Variants in SCN3A observed in about 807,000 individuals in gnomAD.
SCN3A encodes the protein sodium voltage-gated channel alpha subunit 3.
SCN3A carries 60 observed loss-of-function variants against 187.6 expected under a neutral mutation model. That is an observed-to-expected ratio of 0.32 (90% CI 0.26 to 0.40). The LOEUF (loss-of-function observed/expected upper bound fraction) is 0.40, where lower values mean the gene tolerates loss of function less well. SCN3A is among the 10% of genes least tolerant of loss of function. SCN3A has a pLI of 1.00. For synonymous variants in SCN3A, 788 were observed against 829.2 expected (o/e 0.95, Z 0.85); for missense variants, 1,601 against 2,428.2 (o/e 0.66, Z 7.16).
intron 26 of SCN3A, 162 bp downstream of exon 26, chr2:165,094,212 C>T (rs899944687): frequency 1.4e-6 from 1 of 718,570 alleles, no homozygotes; most frequent in Non-Finnish European, 2.5e-6. Context: ...GTGGTAACTC[C>T]TAATGAGTGC....
Position 165,131,238 on chromosome 2 carries a change from AG to A in SCN3A, c.2565+5del. On this transcript the variant is annotated splice_donor_5th_base_variant and intron_variant, in intron 16 of 27. Transcript: ENST00000283254. Reference sequence around the variant, plus strand: ...ATGAGCGACAGGGATATATATAAATAGATACCAGTCTGAATGATCGCAGTAC... The same window carrying A: ...ATGAGCGACAGGGATATATATAAATAATACCAGTCTGAATGATCGCAGTAC... 2 of 1,571,080 alleles carry A rather than the reference AG, an allele frequency of 1.3e-6. No individual in the cohort carries two copies. The highest frequency in any genetic ancestry group is 1.7e-6 in the Non-Finnish European group (2 of 1,154,348).
At chr2:165,098,707 C>T (rs1023080429) in intron 22 of SCN3A, among the ~76,000 whole-genome samples, 2 of 152,204 alleles carry the variant, frequency 1.3e-5, no homozygotes, top group African/African-American at 2.4e-5. Flanking sequence ...TTGGTACACA[C>T]CACCACAGGT....
intron 21 of SCN3A, among the ~76,000 whole-genome samples, chr2:165,110,907 A>G (rs1686080847): frequency 6.6e-6 from 1 of 152,248 alleles, no homozygotes; most frequent in African/African-American, 2.4e-5. Flanking sequence ...CATGATGGAA[A>G]ACCTCCAACC....
intron 18 of SCN3A, among the ~76,000 whole-genome samples, chr2:165,120,010 G>A (rs1208105145): frequency 6.6e-6 from 1 of 152,126 alleles, no homozygotes; most frequent in Non-Finnish European, 1.5e-5. Context: ...GGCACTTAAA[G>A]GTTAAATTTT....
chr2:165,176,069 A>T, intron 3 of SCN3A, 62 bp downstream of exon 3: 1 of 1,538,532 alleles, frequency 6.5e-7, no homozygotes, highest in Non-Finnish European at 8.9e-7. Context: ...AAGGCCCAGA[A>T]AAGTATATTA....
chr2:165,187,821 T>C (rs993850762), intron 1 of SCN3A, among the ~76,000 whole-genome samples: 1 of 152,190 alleles, frequency 6.6e-6, no homozygotes, highest in East Asian at 1.9e-4. Flanking sequence ...CTAATAATAA[T>C]ACCCATAAGA....
intron 9 of SCN3A, among the ~76,000 whole-genome samples, chr2:165,160,848 C>A (rs1689320507): frequency 6.6e-6 from 1 of 152,102 alleles, no homozygotes; most frequent in Admixed American, 6.5e-5. Context: ...GCCATGTTGG[C>A]CAGGCTGGTC....
At chr2:165,142,966 G>A (rs1342625211) in intron 12 of SCN3A, among the ~76,000 whole-genome samples, 1 of 152,034 alleles carries the variant, frequency 6.6e-6, no homozygotes, top group East Asian at 1.9e-4. Context: ...TGGTCAAGCT[G>A]GCCTCGAACT....
intron 2 of SCN3A, among the ~76,000 whole-genome samples, chr2:165,185,946 G>A (rs1028888392): frequency 1.3e-5 from 2 of 151,982 alleles, no homozygotes; most frequent in Non-Finnish European, 2.9e-5. Context: ...TAAATAGACA[G>A]GATGAATGTC....
intron 27 of SCN3A, chr2:165,091,942 A>G: frequency 2.4e-6 from 1 of 417,398 alleles, no homozygotes; most frequent in South Asian, 2.3e-5. Context: ...TTGCATTACA[A>G]TGATTTGTTT....
chr2:165,150,324 T>TCGTA (rs1464620649), intron 11 of SCN3A, among the ~76,000 whole-genome samples: 1 of 151,928 alleles, frequency 6.6e-6, no homozygotes, highest in African/African-American at 2.4e-5. Flanking sequence ...TTTTGAAGAG[T>TCGTA]CGTAGGTGGT....
chr2:165,149,847 G>A (rs1688591717), intron 11 of SCN3A, among the ~76,000 whole-genome samples: 1 of 152,146 alleles, frequency 6.6e-6, no homozygotes. Context: ...ATTTTTGTGT[G>A]ATTCAAAGTA....
intron 14 of SCN3A, among the ~76,000 whole-genome samples, chr2:165,138,561 T>A (rs1461739963): frequency 1.3e-5 from 2 of 152,174 alleles, no homozygotes; most frequent in African/African-American, 4.8e-5. Context: ...CTCTCATAGT[T>A]TCCATATCAA....
Position 165,140,819 on chromosome 2 carries a change from A to G in SCN3A, c.1851T>C (p.His617=), listed in dbSNP as rs142624915. Reference sequence around the variant, plus strand: ...TAACGTTACTGTTGCGTCGCTCTCCATGTCTGTGCGGCACAAACAGTGAGT... The same window carrying G: ...TAACGTTACTGTTGCGTCGCTCTCCGTGTCTGTGCGGCACAAACAGTGAGT... ...RRDSLFVPHR[H]GERRNSNVSQ... is the part of the protein sequence containing the mutation. Residue 617 remains histidine, a synonymous_variant, in exon 13 of 28, where the codon CAT becomes CAC. Coordinates refer to ENST00000283254, the MANE Select transcript of SCN3A (RefSeq NM_006922.4). This position sits in a 1 kb window ranked among gnomAD's most constrained non-coding sequence, Gnocchi z 4.2. 5.0e-6 allele frequency: 8 copies of G among 1,613,972 alleles called. No homozygotes were observed. The Admixed American group carries it at 5.0e-5, about 10-fold the overall frequency.
rs1685141814 is a variant in SCN3A at position 165,092,249 on chromosome 2, C to G, written c.4807+5G>C. On this transcript the variant is annotated splice_donor_5th_base_variant and intron_variant, in intron 27 of 27. Coordinates refer to ENST00000283254, the MANE Select transcript of SCN3A (RefSeq NM_006922.4). The surrounding 1 kb of genome is among the most constrained non-coding windows in gnomAD (Gnocchi z 4.2). ...TATACCTCTTGGTAATTAAGCTGTTCTTACCTACAATGGAGAGAATCACCA... is the reference window on the plus strand; with the variant it reads ...TATACCTCTTGGTAATTAAGCTGTTGTTACCTACAATGGAGAGAATCACCA... 1.9e-6 allele frequency: 3 copies of G among 1,613,774 alleles called. No homozygotes were observed. Among genetic ancestry groups the G allele is most frequent in the Non-Finnish European group, 2.5e-6 (3 of 1,179,754 alleles).
intron 1 of SCN3A, among the ~76,000 whole-genome samples, chr2:165,195,895 C>A (rs1479460372): frequency 6.6e-6 from 1 of 152,038 alleles, no homozygotes; most frequent in Non-Finnish European, 1.5e-5. Context: ...TTTCATTTAC[C>A]TTCATGCTTT....
intron 21 of SCN3A, among the ~76,000 whole-genome samples, chr2:165,106,109 G>A (rs1685844558): frequency 6.6e-6 from 1 of 152,138 alleles, no homozygotes. Context: ...CTGGGAAAAG[G>A]ATGAGTAAAA....
chr2:165,157,012 A>G (rs1240337701), intron 9 of SCN3A, among the ~76,000 whole-genome samples: 1 of 151,762 alleles, frequency 6.6e-6, no homozygotes, highest in Non-Finnish European at 1.5e-5. Context: ...CCAGGTTCAC[A>G]CCATTCTCCT....
At chr2:165,153,986 C>CCTTTTTTTTT (rs1559237785) in intron 11 of SCN3A, among the ~76,000 whole-genome samples, 2 of 39,162 alleles carry the variant, frequency 5.1e-5, no homozygotes, top group African/African-American at 2.7e-4. Context: ...CTATAGCAAA[C>CCTTTTTTTTT]ATTTTTTTTT....
Sources: gnomAD v4.1 joint callset for allele counts (sites outside exome capture counted in the v4.1 genomes callset) on GRCh38, gnomAD v4.1.1 for gene constraint, Gnocchi (gnomAD v3.1) non-coding constraint, MANE v1.5 for transcripts, NCBI Gene and HGNC (gene_info 2026-07-23, HGNC 2026-07-21) for gene names.